SPOCK3: variants seen among roughly 807,000 people sequenced by gnomAD.
SPOCK3 encodes testican-3.
Under a neutral mutation model 56.6 loss-of-function variants are expected in SPOCK3, and 30 were observed. That is an observed-to-expected ratio of 0.53 (90% CI 0.40 to 0.72). The LOEUF (loss-of-function observed/expected upper bound fraction) is 0.72. Ranked by LOEUF, SPOCK3 falls within the 30% of genes least tolerant of loss-of-function variation. The pLI is 0.00. For missense variants in SPOCK3, 527 were observed against 530.0 expected (o/e 0.99, Z 0.06); for synonymous variants, 196 against 183.3 (o/e 1.07, Z -0.56).
intron 6 of SPOCK3, among the ~76,000 whole-genome samples, chr4:166,813,279 G>C (rs1022260261): frequency 6.6e-6 from 1 of 151,980 alleles, no homozygotes; most frequent in African/African-American, 2.4e-5. Flanking sequence ...GGAAGGTTTA[G>C]AAAGGGTCTG....
At position 166,981,858 on chromosome 4, in the gene SPOCK3, A is replaced by G. The variant is rs1746612815; in HGVS notation, c.350+18491T>C. On this transcript the variant is annotated intron_variant, in intron 4 of 10. Coordinates refer to ENST00000357545, the MANE Select transcript of SPOCK3 (RefSeq NM_001040159.2). Reference sequence around the variant, plus strand: ...CTCTGTCCCATGTTGGTCAGCACCCAAACTCTGGTGGGGACTGAGGTGGGG... The same window carrying G: ...CTCTGTCCCATGTTGGTCAGCACCCGAACTCTGGTGGGGACTGAGGTGGGG... Among the ~76,000 whole-genome samples, 4 of 152,150 alleles carry G rather than the reference A, an allele frequency of 2.6e-5. No homozygotes were observed. The South Asian group carries it at 8.3e-4, about 31-fold the overall frequency.
At chr4:166,888,844 G>T (rs940345097) in intron 6 of SPOCK3, among the ~76,000 whole-genome samples, 2 of 151,844 alleles carry the variant, frequency 1.3e-5, no homozygotes, top group African/African-American at 4.8e-5. Flanking sequence ...ACATGTTTTA[G>T]ACACAACTGT....
chr4:166,850,539 A>G (rs1748570392), intron 6 of SPOCK3, among the ~76,000 whole-genome samples: 1 of 152,200 alleles, frequency 6.6e-6, no homozygotes, highest in African/African-American at 2.4e-5. Flanking sequence ...TGATTTCTGC[A>G]TTTCCATCTG....
intron 6 of SPOCK3, among the ~76,000 whole-genome samples, chr4:166,810,140 T>C (rs1326512495): frequency 6.6e-6 from 1 of 152,096 alleles, no homozygotes; most frequent in Admixed American, 6.6e-5. Context: ...CCCCAAATCA[T>C]TTAGCACAAA....
chr4:166,971,977 C>T (rs1028982769), intron 4 of SPOCK3, among the ~76,000 whole-genome samples: 2 of 152,098 alleles, frequency 1.3e-5, no homozygotes, highest in African/African-American at 4.8e-5. Flanking sequence ...CCTGCTGGCT[C>T]ATGAGATGGT....
At chr4:166,935,121 G>C (rs182869368) in intron 4 of SPOCK3, among the ~76,000 whole-genome samples, 1 of 152,214 alleles carries the variant, frequency 6.6e-6, no homozygotes, top group Admixed American at 6.5e-5. Flanking sequence ...AGACTTACGG[G>C]GCTGTGGAGG....
At chr4:166,961,422 TG>T (rs1278222451) in intron 4 of SPOCK3, among the ~76,000 whole-genome samples, 2 of 151,974 alleles carry the variant, frequency 1.3e-5, no homozygotes, top group Non-Finnish European at 1.5e-5. Context: ...GATAATTTAG[TG>T]GGGGGTCATA....
chr4:167,234,117 A>T lies in SPOCK3; in HGVS notation c.57T>A (p.Ser19=), dbSNP rs1311402332. The part of the protein sequence containing the change: ...CVCAAAWCSQ[S]LAAAAAVAAA... ...CAGCCACCGCCGCGGCAGCTGCGAG[A>T]GACTGACTGCACCAAGCGGCTGCAC... The change falls in exon 2 of 11, where the codon TCT becomes TCA. Residue 19 remains serine (S), a synonymous_variant. Transcript: ENST00000357545. The T allele has an allele frequency of 1.2e-6, 2 of 1,613,834 alleles. No individual in the cohort carries two copies. The highest frequency in any genetic ancestry group is 8.5e-7 in the Non-Finnish European group (1 of 1,179,990).
chr4:167,178,858 A>G (rs1009548127), intron 2 of SPOCK3, among the ~76,000 whole-genome samples: 6 of 152,280 alleles, frequency 3.9e-5, no homozygotes, highest in African/African-American at 9.6e-5. Context: ...ATAAAATGGT[A>G]TATTTTTATA....
At chr4:167,025,097 G>A (rs1203250900) in intron 3 of SPOCK3, among the ~76,000 whole-genome samples, 1 of 152,010 alleles carries the variant, frequency 6.6e-6, no homozygotes, top group African/African-American at 2.4e-5. Context: ...TGCAGTGTGA[G>A]TAGATAATAT....
chr4:166,945,697 C>T (rs1741641516), intron 4 of SPOCK3, among the ~76,000 whole-genome samples: 1 of 152,188 alleles, frequency 6.6e-6, no homozygotes, highest in Non-Finnish European at 1.5e-5. Flanking sequence ...GGCTCTGATC[C>T]TCTGCACAAG....
At chr4:167,037,289 C>T (rs1187790848) in intron 3 of SPOCK3, among the ~76,000 whole-genome samples, 2 of 152,050 alleles carry the variant, frequency 1.3e-5, no homozygotes, top group Non-Finnish European at 2.9e-5. Flanking sequence ...CAAGGCCATA[C>T]CGGCCAACAT....
At chr4:166,896,849 A>G (rs141260530) in intron 5 of SPOCK3, among the ~76,000 whole-genome samples, 29 of 152,290 alleles carry the variant, frequency 1.9e-4, no homozygotes, top group African/African-American at 6.7e-4. Context: ...TTCCAACTAC[A>G]TGGCCCATGT....
chr4:167,077,503 C>T (rs2150281771), intron 2 of SPOCK3, among the ~76,000 whole-genome samples: 1 of 151,886 alleles, frequency 6.6e-6, no homozygotes, highest in East Asian at 1.9e-4. Context: ...ATCCTGTGTA[C>T]AGAAAGACAA....
At chr4:166,820,906 A>G (rs1744869953) in intron 6 of SPOCK3, among the ~76,000 whole-genome samples, 1 of 152,072 alleles carries the variant, frequency 6.6e-6, no homozygotes, top group Non-Finnish European at 1.5e-5. Flanking sequence ...ATGACGTCTT[A>G]GCTACAAAAC....
At chr4:166,921,585 T>C (rs28528818) in intron 4 of SPOCK3, among the ~76,000 whole-genome samples, 90,319 of 151,934 alleles carry the variant, frequency 0.59, 27,730 homozygotes, top group African/African-American at 0.74. Context: ...CAAAGTGCTG[T>C]GATTACAGGC....
intron 4 of SPOCK3, among the ~76,000 whole-genome samples, chr4:166,942,556 T>C (rs1042188316): frequency 5.3e-5 from 8 of 151,808 alleles, no homozygotes; most frequent in Non-Finnish European, 1.2e-4. Context: ...TGAGAAATCC[T>C]TTCCCTCAAA....
chr4:166,794,150 T>G (rs544759310), intron 6 of SPOCK3, among the ~76,000 whole-genome samples: 8 of 118,836 alleles, frequency 6.7e-5, no homozygotes, highest in African/African-American at 2.6e-4. Context: ...ACAGTGAAAA[T>G]CAAAGAAACC....
intron 3 of SPOCK3, among the ~76,000 whole-genome samples, chr4:167,053,751 T>A (rs1474911819): frequency 6.6e-6 from 1 of 151,502 alleles, no homozygotes; most frequent in South Asian, 2.1e-4. Context: ...AATGAACCAG[T>A]AGATGTTAGG....
Sources: allele counts gnomAD v4.1 joint callset (sites outside exome capture counted in the v4.1 genomes callset), GRCh38; gene constraint gnomAD v4.1.1; transcripts MANE v1.5; gene names NCBI Gene and HGNC (gene_info 2026-07-23, HGNC 2026-07-21).